Variants in ZMAT4 observed in about 807,000 individuals in gnomAD.
ZMAT4 encodes the protein zinc finger matrin-type protein 4.
A neutral mutation model predicts 28.7 loss-of-function variants in ZMAT4; 17 were observed. That is an observed-to-expected ratio of 0.59 (90% CI 0.41 to 0.89). ZMAT4 has a LOEUF of 0.89. ZMAT4 is among the 40% of genes least tolerant of loss of function. ZMAT4 has a pLI of 0.00. For missense variants in ZMAT4, 240 were observed against 283.8 expected (o/e 0.85, Z 1.11); for synonymous variants, 117 against 109.2 (o/e 1.07, Z -0.44).
intron 5 of ZMAT4, among the ~76,000 whole-genome samples, chr8:40,610,862 T>C (rs1277452717): frequency 1.3e-5 from 2 of 151,164 alleles, no homozygotes; most frequent in East Asian, 3.9e-4. Flanking sequence ...AAAAAGGCTA[T>C]ATGTGAAACC....
chr8:40,731,495 A>G (rs1223758317), intron 3 of ZMAT4, among the ~76,000 whole-genome samples: 1 of 152,194 alleles, frequency 6.6e-6, no homozygotes, highest in Non-Finnish European at 1.5e-5. Flanking sequence ...AATCATTTCC[A>G]GAGTTACTAC....
At chr8:40,578,461 C>CA (rs1281750922) in intron 6 of ZMAT4, among the ~76,000 whole-genome samples, 1 of 151,868 alleles carries the variant, frequency 6.6e-6, no homozygotes, top group Non-Finnish European at 1.5e-5. Context: ...AAATAGCACT[C>CA]AAAAAAATTT....
At chr8:40,826,836 T>G (rs149938762) in intron 1 of ZMAT4, among the ~76,000 whole-genome samples, 3 of 152,316 alleles carry the variant, frequency 2.0e-5, no homozygotes, top group African/African-American at 7.2e-5. Flanking sequence ...AAACGGATCT[T>G]ATGGCAGCTG....
chr8:40,611,437 T>C (rs909173976), intron 5 of ZMAT4, among the ~76,000 whole-genome samples: 3 of 152,078 alleles, frequency 2.0e-5, no homozygotes, highest in Admixed American at 2.0e-4. Context: ...GCCTCCCAGG[T>C]TCACACCATT....
At chr8:40,725,308 A>T (rs747963326) in intron 3 of ZMAT4, among the ~76,000 whole-genome samples, 3 of 152,204 alleles carry the variant, frequency 2.0e-5, no homozygotes, top group Non-Finnish European at 4.4e-5. Context: ...ATTCCCCAAA[A>T]GGCAGAAAGG....
At position 40,877,411 on chromosome 8, in the gene ZMAT4, T is replaced by C. The variant is rs1311931006; in HGVS notation, c.-5+20272A>G. On this transcript the variant is annotated intron_variant, in intron 1 of 6. Transcript: ENST00000297737. The stretch of plus-strand genomic sequence containing the variant: ...CAGGAATACATGAAAGGTATCTTCT[T>C]ATGTTTCATCCCCAGGAAGGCTGGA... Among the ~76,000 whole-genome samples, 8 of 152,332 alleles carry C rather than the reference T, an allele frequency of 5.3e-5. No homozygotes were observed. In the East Asian group the frequency reaches 1.5e-3, roughly 29 times the overall value.
chr8:40,684,817 T>C (rs1373222580), intron 4 of ZMAT4, among the ~76,000 whole-genome samples: 1 of 152,160 alleles, frequency 6.6e-6, no homozygotes, highest in Non-Finnish European at 1.5e-5. Context: ...GACTTTAGAA[T>C]GAATTTACGG....
At chr8:40,586,892 T>C (rs1804686692) in intron 5 of ZMAT4, among the ~76,000 whole-genome samples, 1 of 152,054 alleles carries the variant, frequency 6.6e-6, no homozygotes, top group Admixed American at 6.6e-5. Context: ...TTGCACAGTA[T>C]ATAAGCAGGA....
intron 6 of ZMAT4, among the ~76,000 whole-genome samples, chr8:40,543,518 C>T (rs978488638): frequency 6.6e-6 from 1 of 152,170 alleles, no homozygotes; most frequent in African/African-American, 2.4e-5. Flanking sequence ...AGCAGGACAT[C>T]GAGGATATGG....
chr8:40,613,463 C>T lies in ZMAT4; in HGVS notation c.578-32202G>A, dbSNP rs141541081. 2.1e-3 allele frequency among the ~76,000 whole-genome samples: 324 copies of T among 152,150 alleles called. 1 individual carries two copies. The highest frequency in any genetic ancestry group is 3.6e-3 in the Non-Finnish European group (242 of 67,990). On this transcript the variant is annotated intron_variant, in intron 5 of 6. Coordinates refer to ENST00000297737, the MANE Select transcript of ZMAT4 (RefSeq NM_024645.3). The stretch of plus-strand genomic sequence containing the variant: ...CCTCCTAAAGTGCTGGGATTGCAAG[C>T]GTGAGCCACCTTGCCCAGCCTCACC...
intron 4 of ZMAT4, among the ~76,000 whole-genome samples, chr8:40,684,209 C>T (rs1024209423): frequency 6.6e-6 from 1 of 152,172 alleles, no homozygotes; most frequent in African/African-American, 2.4e-5. Context: ...AGTACAGAGA[C>T]ATTAAGACTG....
At chr8:40,828,318 T>C (rs1047141976) in intron 1 of ZMAT4, among the ~76,000 whole-genome samples, 6 of 152,222 alleles carry the variant, frequency 3.9e-5, no homozygotes, top group Non-Finnish European at 7.3e-5. Flanking sequence ...ATTATCATGT[T>C]CCCTGCTATT....
At chr8:40,880,336 T>G (rs1288040751) in intron 1 of ZMAT4, among the ~76,000 whole-genome samples, 1 of 148,862 alleles carries the variant, frequency 6.7e-6, no homozygotes, top group Non-Finnish European at 1.5e-5. Context: ...GACATTGCAC[T>G]CCAGCTTGGG....
chr8:40,533,082 T>C (rs1366297007), intron 6 of ZMAT4, among the ~76,000 whole-genome samples: 1 of 152,236 alleles, frequency 6.6e-6, no homozygotes, highest in Non-Finnish European at 1.5e-5. Flanking sequence ...TGTTTTTTTC[T>C]TTATGACAAC....
chr8:40,828,749 GT>G (rs1269118250), intron 1 of ZMAT4, among the ~76,000 whole-genome samples: 6 of 152,172 alleles, frequency 3.9e-5, no homozygotes, highest in Non-Finnish European at 5.9e-5. Context: ...GTGTCAGCCT[GT>G]TTTGTACATG....
rs528013294 is a variant in ZMAT4 at position 40,612,060 on chromosome 8, C to T, written c.578-30799G>A. On this transcript the variant is annotated intron_variant, in intron 5 of 6. Coordinates refer to ENST00000297737, the MANE Select transcript of ZMAT4 (RefSeq NM_024645.3). ...TGAGACTCCAGTTGCAGCAGCATTA[C>T]CTACTGTCATGACACTGAGGCCCAT... Among the ~76,000 whole-genome samples the T allele has an allele frequency of 2.0e-5, 3 of 152,278 alleles. No individual in the cohort carries two copies. The East Asian group carries it at 5.8e-4, about 29-fold the overall frequency.
chr8:40,745,032 A>G (rs1028488298), intron 3 of ZMAT4, among the ~76,000 whole-genome samples: 1 of 152,210 alleles, frequency 6.6e-6, no homozygotes, highest in Non-Finnish European at 1.5e-5. Flanking sequence ...AGGCAGAGGC[A>G]TGAAGCCAAG....
chr8:40,723,415 C>T (rs1356886231), intron 3 of ZMAT4, among the ~76,000 whole-genome samples: 2 of 151,802 alleles, frequency 1.3e-5, no homozygotes, highest in Non-Finnish European at 2.9e-5. Context: ...TGGTGGCAGG[C>T]ACCTGTAATC....
chr8:40,729,557 T>G (rs1017227817), intron 3 of ZMAT4, among the ~76,000 whole-genome samples: 2 of 151,958 alleles, frequency 1.3e-5, no homozygotes, highest in Non-Finnish European at 1.5e-5. Flanking sequence ...TTTTAGTTAA[T>G]GCATATTAGT....
Sources: gnomAD v4.1 joint callset for allele counts (sites outside exome capture counted in the v4.1 genomes callset) on GRCh38, gnomAD v4.1.1 for gene constraint, MANE v1.5 for transcripts, NCBI Gene and HGNC (gene_info 2026-07-23, HGNC 2026-07-21) for gene names.